Variants in TTC34 observed in about 807,000 individuals in gnomAD.
TTC34 encodes tetratricopeptide repeat domain 34.
A neutral mutation model predicts 40.7 loss-of-function variants in TTC34; 44 were observed. The observed-to-expected ratio is 1.08, with a 90% CI of 0.85 to 1.39. The LOEUF (loss-of-function observed/expected upper bound fraction) is 1.39. Ranked by LOEUF, TTC34 falls within the 40% of genes most tolerant of loss-of-function variation. The pLI is 0.00. For missense variants in TTC34, 884 were observed against 838.0 expected, an observed-to-expected ratio of 1.05 and a Z score of -0.68; for synonymous variants, 422 against 398.6, an observed-to-expected ratio of 1.06 and a Z score of -0.70.
intron 6 of TTC34, among the ~76,000 whole-genome samples, chr1:2,683,515 C>T (rs1341677235): frequency 3.4e-5 from 5 of 148,780 alleles, no homozygotes; most frequent in African/African-American, 1.0e-4. Context: ...ACCCACACCA[C>T]CAGGTGAGCA....
intron 6 of TTC34, among the ~76,000 whole-genome samples, chr1:2,686,743 G>T (rs368881678): frequency 1.4e-5 from 2 of 146,060 alleles, no homozygotes; most frequent in Admixed American, 6.8e-5. Context: ...GCATCTGACA[G>T]CCTGGAACGG....
intron 6 of TTC34, among the ~76,000 whole-genome samples, chr1:2,675,184 T>G (rs1639858217): frequency 6.8e-6 from 1 of 146,120 alleles, no homozygotes; most frequent in Non-Finnish European, 1.5e-5. Context: ...TCTGACATCC[T>G]GGAGCAGCAC....
Position 2,783,603 on chromosome 1 carries a change from C to T in TTC34, c.2226+6G>A, listed in dbSNP as rs771831061. Reference sequence around the variant, plus strand: ...GCCCAGGCCCAGGTCAGGAGTGGGGCGGCACCTGCAGCTGGTCTAGGGCCA... The same window carrying T: ...GCCCAGGCCCAGGTCAGGAGTGGGGTGGCACCTGCAGCTGGTCTAGGGCCA... On this transcript the variant is annotated splice_donor_region_variant and intron_variant, in intron 6 of 8. Coordinates refer to ENST00000401095, the Ensembl canonical transcript of TTC34. The T allele has an allele frequency of 2.3e-5, 32 of 1,408,226 alleles. 2 individuals are homozygous for T. In the South Asian group the frequency reaches 3.4e-4, roughly 15 times the overall value. The allele number at this position is 1,408,226 out of a possible 1,614,324, so 87.2% of individuals were successfully genotyped here. A position where few individuals can be genotyped will look rare whatever the true frequency, so the allele number is the denominator to read the frequency against.
At chr1:2,658,865 C>T (rs4247142) in intron 6 of TTC34, among the ~76,000 whole-genome samples, 4,993 of 54,342 alleles carry the variant, frequency 0.092, no homozygotes, top group South Asian at 0.18. Flanking sequence ...AGCATCCACA[C>T]CCCCAGGTGA....
At chr1:2,685,072 C>T (rs1354299998) in intron 6 of TTC34, among the ~76,000 whole-genome samples, 1 of 144,248 alleles carries the variant, frequency 6.9e-6, no homozygotes, top group African/African-American at 2.8e-5. Context: ...GGAACAGCAG[C>T]CTGCACCCCC....
chr1:2,798,824 CA>C, intron 2 of TTC34, among the ~76,000 whole-genome samples: 1 of 104,482 alleles, frequency 9.6e-6, no homozygotes, highest in Non-Finnish European at 1.9e-5. Flanking sequence ...CCTCCCAGCC[CA>C]CCAGCCTCCC....
chr1:2,800,152 T>C (rs1211720845), exon 2 of TTC34: 1 of 398,428 alleles, frequency 2.5e-6, no homozygotes, highest in Non-Finnish European at 4.4e-6. Context: ...AGGGTGTCAC[T>C]CCGGGTGCCC....
intron 6 of TTC34, among the ~76,000 whole-genome samples, chr1:2,654,847 CCT>C (rs1639285784): frequency 6.6e-6 from 1 of 152,098 alleles, no homozygotes; most frequent in Non-Finnish European, 1.5e-5. Flanking sequence ...GGAACAGAAC[CCT>C]GCACCCGCGA....
At chr1:2,662,493 C>T (rs1639583507) in intron 6 of TTC34, among the ~76,000 whole-genome samples, 1 of 93,150 alleles carries the variant, frequency 1.1e-5, no homozygotes, top group African/African-American at 3.3e-5. Flanking sequence ...AGGTGAGCAT[C>T]TGACAGCATG....
chr1:2,688,573 T>C (rs1418706404), intron 6 of TTC34, among the ~76,000 whole-genome samples: 75 of 48,504 alleles, frequency 1.5e-3, no homozygotes, highest in Non-Finnish European at 1.6e-3. Context: ...ACCCACACCT[T>C]CCGGCGCGCA....
At chr1:2,785,213 G>T (rs895890964) in intron 5 of TTC34, among the ~76,000 whole-genome samples, 7 of 152,074 alleles carry the variant, frequency 4.6e-5, no homozygotes, top group Non-Finnish European at 1.5e-5. Context: ...CCAGGCTTGG[G>T]AGAGGAGGAT....
intron 6 of TTC34, among the ~76,000 whole-genome samples, chr1:2,764,423 C>G: frequency 6.7e-6 from 1 of 149,196 alleles, no homozygotes; most frequent in Admixed American, 6.7e-5. Flanking sequence ...CACCCACACC[C>G]CCAGGTGAGC....
chr1:2,800,498 T>G, exon 2 of TTC34: 1 of 398,626 alleles, frequency 2.5e-6, no homozygotes. Flanking sequence ...CCAGCAGACC[T>G]GCCAGCAGGT....
At chr1:2,644,524 A>G in intron 7 of TTC34, 46 bp from the exon 8 acceptor site, 1 of 1,502,120 alleles carries the variant, frequency 6.7e-7, no homozygotes, top group Non-Finnish European at 8.9e-7. Context: ...GGTTGGGCAG[A>G]GGTGCGAGAG....
At position 2,783,792 on chromosome 1, in the gene TTC34, T is replaced by C. The variant is rs57158430; in HGVS notation, c.2060-17A>G. ...CCTGGCTTCCTGCAGGAAGACGGCA[T>C]GGGGTCAGGATGAGCCTATGCTGGG... On this transcript the variant is annotated splice_polypyrimidine_tract_variant and intron_variant, in intron 5 of 8. Transcript: ENST00000401095. 3.3e-3 allele frequency: 4,922 copies of C among 1,482,644 alleles called. 131 individuals are homozygous for C. The African/African-American group carries it at 0.059, about 18-fold the overall frequency. 91.8% of individuals were successfully genotyped at this position (1,482,644 alleles called of 1,614,324 possible). A position where few individuals can be genotyped will look rare whatever the true frequency, so the allele number is the denominator to read the frequency against.
chr1:2,687,931 A>C, intron 6 of TTC34, among the ~76,000 whole-genome samples: 1 of 149,274 alleles, frequency 6.7e-6, no homozygotes, highest in Non-Finnish European at 1.5e-5. Context: ...CCACACGCCC[A>C]GGTGAGCCTC....
At chr1:2,675,110 AGTGCCC>A (rs1639852823) in intron 6 of TTC34, among the ~76,000 whole-genome samples, 4 of 1,904 alleles carry the variant, frequency 2.1e-3, no homozygotes, top group African/African-American at 5.2e-3. Context: ...AGCCTGGAGC[AGTGCCC>A]ACACCCCCAG....
chr1:2,774,675 C>T (rs1642894029), intron 6 of TTC34: 2 of 115,516 alleles, frequency 1.7e-5, no homozygotes, highest in Admixed American at 1.0e-4. Flanking sequence ...CCCAGGCGAG[C>T]ATCTGACAGC....
intron 6 of TTC34, among the ~76,000 whole-genome samples, chr1:2,752,041 C>T (rs1289769755): frequency 8.4e-6 from 1 of 118,378 alleles, no homozygotes; most frequent in Non-Finnish European, 1.7e-5. Flanking sequence ...CGTGGAGCAG[C>T]ACCGACACCC....
Sources: allele counts gnomAD v4.1 joint callset (sites outside exome capture counted in the v4.1 genomes callset), GRCh38; gene constraint gnomAD v4.1.1; transcripts MANE v1.5; gene names NCBI Gene and HGNC (gene_info 2026-07-23, HGNC 2026-07-21).